ABCC12: variants seen among roughly 807,000 people sequenced by gnomAD.
ABCC12 encodes ATP-binding cassette sub-family C member 12.
Under a neutral mutation model 151.1 loss-of-function variants are expected in ABCC12, and 142 were observed. That is an observed-to-expected ratio of 0.94 (90% CI 0.82 to 1.08). ABCC12 has a LOEUF of 1.08. Ranked by LOEUF, ABCC12 falls within the 50% of genes least tolerant of loss-of-function variation. The pLI, the probability that ABCC12 is intolerant of heterozygous loss-of-function variation, is 0.00. For missense variants in ABCC12, 1,638 were observed against 1,691.1 expected, an observed-to-expected ratio of 0.97 and a Z score of 0.55; for synonymous variants, 645 against 646.4, an observed-to-expected ratio of 1.00 and a Z score of 0.03.
chr16:48,148,360 C>A (rs1370250077), intron 2 of ABCC12, among the ~76,000 whole-genome samples: 2 of 152,128 alleles, frequency 1.3e-5, no homozygotes, highest in African/African-American at 4.8e-5. Context: ...CCTCAGCTTC[C>A]CAAGTAGCAG....
intron 29 of ABCC12, 35 bp from the exon 30 acceptor site, chr16:48,084,108 A>C (rs780439957): frequency 1.3e-6 from 2 of 1,567,990 alleles, no homozygotes; most frequent in South Asian, 2.5e-5. Context: ...CCAAAGGCGC[A>C]CTGAGAGGGG....
At chr16:48,100,141 G>A (rs1963252267) in intron 23 of ABCC12, among the ~76,000 whole-genome samples, 1 of 151,962 alleles carries the variant, frequency 6.6e-6, no homozygotes, top group Non-Finnish European at 1.5e-5. Flanking sequence ...TGTATTTTTA[G>A]TAGAGATGGG....
At chr16:48,121,597 T>G (rs1964069481) in intron 13 of ABCC12, 119 bp downstream of exon 13, 2 of 1,322,580 alleles carry the variant, frequency 1.5e-6, no homozygotes, top group Non-Finnish European at 2.1e-6. Context: ...CTGATGAATG[T>G]TTAATCAGAA....
At chr16:48,142,298 T>C (rs893415664) in intron 4 of ABCC12, among the ~76,000 whole-genome samples, 7 of 152,294 alleles carry the variant, frequency 4.6e-5, no homozygotes, top group African/African-American at 1.7e-4. Flanking sequence ...AGTCTGGAAG[T>C]GGGCTGTGGC....
chr16:48,105,297 C>A lies in ABCC12; in HGVS notation c.2515G>T (p.Val839Phe), dbSNP rs761363586. 1 of 1,613,366 alleles carries A rather than the reference C, an allele frequency of 6.2e-7. No individual in the cohort carries two copies. The highest frequency in any genetic ancestry group is 1.1e-5 in the South Asian group (1 of 91,012). The part of the protein sequence containing the change: ...GPQGNRTMCE[V>F]GAVLADIGQH... ...CCGATGTCTGCCAGCACCGCGCCGA[C>A]CTCACACATGGTCCTGTTGCCCTGG... The change falls in exon 21 of 31, where the codon GTC becomes TTC. Residue 839 changes from valine to phenylalanine, a missense_variant. Transcript: ENST00000311303.
intron 8 of ABCC12, among the ~76,000 whole-genome samples, chr16:48,134,593 T>C (rs1964543448): frequency 1.3e-5 from 2 of 152,150 alleles, no homozygotes; most frequent in Admixed American, 1.3e-4. Context: ...CAGTTTTTGT[T>C]CTAAATTTCT....
intron 23 of ABCC12, among the ~76,000 whole-genome samples, chr16:48,097,263 C>T (rs946083510): frequency 5.9e-5 from 9 of 151,540 alleles, no homozygotes; most frequent in African/African-American, 2.2e-4. Flanking sequence ...GGATCCCTAT[C>T]GTGGAGTCAG....
intron 22 of ABCC12, among the ~76,000 whole-genome samples, chr16:48,101,294 C>T (rs1438934258): frequency 6.6e-6 from 1 of 152,182 alleles, no homozygotes; most frequent in Non-Finnish European, 1.5e-5. Flanking sequence ...TTCTAGTCTT[C>T]TAAAACCAAA....
chr16:48,115,705 C>A (rs1963860280), intron 14 of ABCC12, 87 bp from the exon 15 acceptor site: 2 of 1,369,714 alleles, frequency 1.5e-6, no homozygotes, highest in Non-Finnish European at 2.0e-6. Context: ...TCTCAGGACT[C>A]AGGGGAAAGA....
Position 48,154,077 on chromosome 16 carries a change from G to A in ABCC12, c.-319-193C>T, listed in dbSNP as rs1054388153. On this transcript the variant is annotated intron_variant, in intron 1 of 30. Transcript: ENST00000311303. ...GAGCTGGGAGGAGGCAGTGCCAACC[G>A]GGCCAGGGTCCCTGCAGCCATCATG... 4.6e-5 allele frequency among the ~76,000 whole-genome samples: 7 copies of A among 152,216 alleles called. No individual in the cohort carries two copies. The East Asian group carries it at 5.8e-4, about 13-fold the overall frequency.
intron 18 of ABCC12, among the ~76,000 whole-genome samples, chr16:48,109,787 C>A (rs74018244): frequency 2.6e-5 from 4 of 152,228 alleles, no homozygotes; most frequent in African/African-American, 9.6e-5. Context: ...CACATTCCCT[C>A]GCAGCCCGCA....
chr16:48,094,085 A>G (rs1963007106), intron 24 of ABCC12, among the ~76,000 whole-genome samples: 1 of 152,222 alleles, frequency 6.6e-6, no homozygotes, highest in South Asian at 2.1e-4. Flanking sequence ...GAAAGCTGAT[A>G]ATATCGCCCA....
chr16:48,142,650 C>A (rs1964856143), intron 4 of ABCC12, among the ~76,000 whole-genome samples: 1 of 152,130 alleles, frequency 6.6e-6, no homozygotes, highest in Admixed American at 6.5e-5. Flanking sequence ...CACTCCCAGG[C>A]CTTCCCCATT....
intron 5 of ABCC12, 100 bp from the exon 6 acceptor site, chr16:48,141,020 C>T: frequency 7.1e-7 from 1 of 1,414,164 alleles, no homozygotes; most frequent in South Asian, 1.4e-5. Context: ...AAGAGGCAAA[C>T]TTTTTAATTA....
chr16:48,108,042 GA>G (rs1167791273), intron 19 of ABCC12, among the ~76,000 whole-genome samples: 1 of 151,984 alleles, frequency 6.6e-6, no homozygotes, highest in East Asian at 1.9e-4. Flanking sequence ...GAAAGAAAAA[GA>G]AACCAAGGAA....
chr16:48,092,401 C>G (rs548418773), intron 24 of ABCC12, among the ~76,000 whole-genome samples: 1 of 152,178 alleles, frequency 6.6e-6, no homozygotes, highest in Non-Finnish European at 1.5e-5. Flanking sequence ...GGAACTGTCC[C>G]GTGCTGGGGC....
At position 48,105,202 on chromosome 16, in the gene ABCC12, G is replaced by A. The variant is rs755901138; in HGVS notation, c.2610C>T (p.Gly870=). The A allele has an allele frequency of 6.2e-7, 1 of 1,614,166 alleles. No homozygotes were observed. Among genetic ancestry groups the A allele is most frequent in the South Asian group, 1.1e-5 (1 of 91,082 alleles). Residue 870 remains glycine (G), a synonymous_variant, in exon 21 of 31, where the codon GGC becomes GGT. Coordinates refer to ENST00000311303, the MANE Select transcript of ABCC12 (RefSeq NM_001393797.1). ...TCAGTGTGGTCTTGGTGAAGACGAA[G>A]CCTTTGGTGACGCCAAACACCAGCA... is the stretch of plus-strand genomic sequence containing the variant. The part of the protein sequence containing the change: ...VFMLVFGVTK[G]FVFTKTTLMA...
chr16:48,124,312 G>T, intron 11 of ABCC12, 28 bp from the exon 12 acceptor site: 1 of 1,606,602 alleles, frequency 6.2e-7, no homozygotes, highest in Non-Finnish European at 8.5e-7. Context: ...ATGGGACACA[G>T]TCACTCTCTC....
At chr16:48,117,552 G>C (rs575957010) in intron 13 of ABCC12, among the ~76,000 whole-genome samples, 127 of 152,348 alleles carry the variant, frequency 8.3e-4, no homozygotes, top group African/African-American at 3.0e-3. Context: ...AGTTGATTCA[G>C]GAATGGCCCC....
Sources: gnomAD v4.1 joint callset for allele counts (sites outside exome capture counted in the v4.1 genomes callset) on GRCh38, gnomAD v4.1.1 for gene constraint, MANE v1.5 for transcripts, NCBI Gene and HGNC (gene_info 2026-07-23, HGNC 2026-07-21) for gene names.